The following GPR39 variants were observed in gnomAD, a reference collection of about 807,000 sequenced individuals.
The protein encoded by GPR39 is zinc sensing receptor.
Under a neutral mutation model 18.4 loss-of-function variants are expected in GPR39, and 23 were observed. The observed-to-expected ratio is 1.25, with a 90% CI of 0.90 to 1.77. The LOEUF (loss-of-function observed/expected upper bound fraction) is 1.77, where lower values mean the gene tolerates loss of function less well. GPR39 is among the 40% of genes most tolerant of loss of function. The probability of loss-of-function intolerance (pLI) is 0.00; values close to 1 mark genes in which losing one functional copy is unlikely to be tolerated. For missense variants in GPR39, 647 were observed against 602.4 expected (o/e 1.07, Z -0.78); for synonymous variants, 280 against 257.9 (o/e 1.09, Z -0.82).
chr2:132,469,098 G>C (rs2104781847), intron 1 of GPR39, among the ~76,000 whole-genome samples: 1 of 152,310 alleles, frequency 6.6e-6, no homozygotes, highest in African/African-American at 2.4e-5. Context: ...TGAGACTGTA[G>C]GTGGCAATTC....
chr2:132,440,856 C>T (rs1053065694), intron 1 of GPR39, among the ~76,000 whole-genome samples: 1 of 152,238 alleles, frequency 6.6e-6, no homozygotes, highest in Non-Finnish European at 1.5e-5. Context: ...GCACATGTGC[C>T]CTTGCAGGGC....
intron 1 of GPR39, among the ~76,000 whole-genome samples, chr2:132,619,770 G>A (rs907892354): frequency 6.6e-6 from 1 of 151,650 alleles, no homozygotes; most frequent in African/African-American, 2.4e-5. Flanking sequence ...ATCAGTCCTT[G>A]GGGCTCAGCA....
At chr2:132,427,720 T>C (rs113325996) in intron 1 of GPR39, among the ~76,000 whole-genome samples, 65 of 150,366 alleles carry the variant, frequency 4.3e-4, no homozygotes, top group African/African-American at 1.3e-3. Flanking sequence ...GGAGTCTCAG[T>C]AAGTTGCCTA....
chr2:132,613,774 T>C (rs1211540415), intron 1 of GPR39, among the ~76,000 whole-genome samples: 1 of 152,244 alleles, frequency 6.6e-6, no homozygotes, highest in African/African-American at 2.4e-5. Flanking sequence ...TATCAGTGTC[T>C]ATTGAAGTTT....
At chr2:132,556,284 A>C (rs944919075) in intron 1 of GPR39, among the ~76,000 whole-genome samples, 1 of 152,220 alleles carries the variant, frequency 6.6e-6, no homozygotes, top group African/African-American at 2.4e-5. Context: ...AAGTAGTGGT[A>C]TGCTGGCAAA....
intron 1 of GPR39, among the ~76,000 whole-genome samples, chr2:132,480,961 C>T (rs142406490): frequency 4.5e-4 from 68 of 152,246 alleles, no homozygotes; most frequent in African/African-American, 1.5e-3. Context: ...CTCAAGAGTT[C>T]GTTCACTGAA....
intron 1 of GPR39, among the ~76,000 whole-genome samples, chr2:132,589,383 G>A (rs764964431): frequency 6.6e-5 from 10 of 152,340 alleles, no homozygotes; most frequent in South Asian, 2.1e-4. Flanking sequence ...TAATTGTCAC[G>A]TTGAATCAAA....
intron 1 of GPR39, among the ~76,000 whole-genome samples, chr2:132,574,337 C>A (rs1230197984): frequency 6.6e-6 from 1 of 152,196 alleles, no homozygotes; most frequent in African/African-American, 2.4e-5. Context: ...ATAAGTATTA[C>A]TTTGCATGTT....
intron 1 of GPR39, among the ~76,000 whole-genome samples, chr2:132,586,079 T>TGCTGCGAGA: frequency 6.6e-6 from 1 of 151,368 alleles, no homozygotes; most frequent in Admixed American, 6.6e-5. Context: ...TGGGAGCTGC[T>TGCTGCGAGA]GCTGCGAGAG....
chr2:132,524,212 G>A (rs1679470850), intron 1 of GPR39, among the ~76,000 whole-genome samples: 1 of 152,210 alleles, frequency 6.6e-6, no homozygotes, highest in Non-Finnish European at 1.5e-5. Context: ...CTGTGAAGAG[G>A]GAACGAAGAG....
chr2:132,508,343 T>C (rs1018552440), intron 1 of GPR39, among the ~76,000 whole-genome samples: 2 of 152,068 alleles, frequency 1.3e-5, no homozygotes, highest in Non-Finnish European at 2.9e-5. Flanking sequence ...TCAACCCCCT[T>C]CTCTCCTGAG....
chr2:132,538,390 G>A (rs1475907264), intron 1 of GPR39, among the ~76,000 whole-genome samples: 1 of 152,186 alleles, frequency 6.6e-6, no homozygotes, highest in African/African-American at 2.4e-5. Flanking sequence ...CTACAGAAAA[G>A]CAAAGATTGC....
Position 132,513,668 on chromosome 2 carries a change from C to A in GPR39, c.856+95770C>A, listed in dbSNP as rs1396213741. 6.6e-5 allele frequency among the ~76,000 whole-genome samples: 10 copies of A among 152,220 alleles called. No individual in the cohort carries two copies. The East Asian group carries it at 1.9e-3, about 29-fold the overall frequency. ...GAAACTAAGTCTTGTCAATTAACAT[C>A]TTTGTCTGTTCCAGCTTAAGAGTAT... On this transcript the variant is annotated intron_variant, in intron 1 of 1. Transcript: ENST00000329321.
intron 1 of GPR39, among the ~76,000 whole-genome samples, chr2:132,467,324 C>T (rs1680944588): frequency 6.6e-6 from 1 of 152,172 alleles, no homozygotes; most frequent in Admixed American, 6.5e-5. Context: ...AAACCAAATA[C>T]TGCATGTTCT....
intron 1 of GPR39, among the ~76,000 whole-genome samples, chr2:132,505,143 G>A (rs1279579639): frequency 2.0e-5 from 3 of 152,202 alleles, no homozygotes; most frequent in African/African-American, 7.2e-5. Flanking sequence ...CATCTGGTGA[G>A]CACCTTCTTG....
At chr2:132,436,003 G>A (rs771494926) in intron 1 of GPR39, among the ~76,000 whole-genome samples, 35 of 152,310 alleles carry the variant, frequency 2.3e-4, no homozygotes, top group Non-Finnish European at 4.3e-4. Flanking sequence ...AATTCCTGAT[G>A]GCTATAAGGA....
At chr2:132,482,977 G>A (rs1286956567) in intron 1 of GPR39, among the ~76,000 whole-genome samples, 3 of 152,066 alleles carry the variant, frequency 2.0e-5, no homozygotes, top group African/African-American at 2.4e-5. Context: ...CACTGTGCAC[G>A]GCAATATAGT....
chr2:132,531,997 A>T (rs1044978561), intron 1 of GPR39, among the ~76,000 whole-genome samples: 1 of 152,234 alleles, frequency 6.6e-6, no homozygotes, highest in African/African-American at 2.4e-5. Flanking sequence ...AGTAACTAAG[A>T]TCAGAGCAGA....
At chr2:132,630,316 A>G (rs1681625417) in intron 1 of GPR39, among the ~76,000 whole-genome samples, 1 of 152,212 alleles carries the variant, frequency 6.6e-6, no homozygotes, top group African/African-American at 2.4e-5. Context: ...GTGATCCTTC[A>G]GCAGAGAAGT....
Sources: allele counts gnomAD v4.1 joint callset (sites outside exome capture counted in the v4.1 genomes callset), GRCh38; gene constraint gnomAD v4.1.1; transcripts MANE v1.5; gene names NCBI Gene and HGNC (gene_info 2026-07-23, HGNC 2026-07-21).